Variants in CDH13 observed in about 807,000 individuals in gnomAD.
The protein encoded by CDH13 is cadherin-13.
CDH13 carries 24 observed loss-of-function variants against 63.8 expected under a neutral mutation model. The observed-to-expected ratio is 0.38, with a 90% CI of 0.27 to 0.53. The LOEUF (loss-of-function observed/expected upper bound fraction) is 0.53. Among genes scored for constraint, CDH13 ranks in the 20% least tolerant of loss-of-function variants. CDH13 has a pLI of 0.85. For missense variants in CDH13, 1,049 were observed against 903.1 expected (o/e 1.16, Z -2.07); for synonymous variants, 503 against 355.3 (o/e 1.42, Z -4.67).
chr16:83,581,646 C>T (rs1034945129), intron 7 of CDH13, among the ~76,000 whole-genome samples: 4 of 152,074 alleles, frequency 2.6e-5, no homozygotes, highest in Admixed American at 1.3e-4. Context: ...GGTGAAATCC[C>T]GTCTCTACAA....
At chr16:83,597,210 A>G (rs1315814516) in intron 7 of CDH13, among the ~76,000 whole-genome samples, 1 of 135,078 alleles carries the variant, frequency 7.4e-6, no homozygotes, top group Non-Finnish European at 1.5e-5. Context: ...GTGACAGAGC[A>G]AGACCCTGAC....
At chr16:83,216,002 A>C (rs2039494382) in intron 4 of CDH13, among the ~76,000 whole-genome samples, 2 of 140,628 alleles carry the variant, frequency 1.4e-5, no homozygotes, top group African/African-American at 2.6e-5. Flanking sequence ...CCATACTTTG[A>C]CCCCAACTGC....
At chr16:83,413,358 A>G (rs2092154869) in intron 6 of CDH13, among the ~76,000 whole-genome samples, 1 of 152,216 alleles carries the variant, frequency 6.6e-6, no homozygotes, top group Non-Finnish European at 1.5e-5. Context: ...CTCAGGCTGT[A>G]ATAAAAACAG....
At chr16:83,064,338 C>G (rs1403372356) in intron 3 of CDH13, among the ~76,000 whole-genome samples, 1 of 147,078 alleles carries the variant, frequency 6.8e-6, no homozygotes, top group South Asian at 2.2e-4. Context: ...CATTGCACTC[C>G]AGCCTGGGTG....
intron 6 of CDH13, among the ~76,000 whole-genome samples, chr16:83,438,484 T>C (rs2072385376): frequency 6.6e-6 from 1 of 152,252 alleles, no homozygotes; most frequent in Admixed American, 6.5e-5. Context: ...TGTCTCTTCA[T>C]AACATTCTAA....
At chr16:83,344,215 C>G (rs943683005) in intron 5 of CDH13, among the ~76,000 whole-genome samples, 6 of 152,156 alleles carry the variant, frequency 3.9e-5, no homozygotes, top group Non-Finnish European at 7.4e-5. Context: ...TCTTCGTTTC[C>G]AAGACAAACA....
intron 1 of CDH13, among the ~76,000 whole-genome samples, chr16:82,849,266 G>C (rs776264486): frequency 6.6e-6 from 1 of 152,168 alleles, no homozygotes; most frequent in Admixed American, 6.5e-5. Context: ...CACTTTCGGA[G>C]ACCAAAGCAG....
chr16:83,149,671 C>G (rs1428461675), intron 4 of CDH13, among the ~76,000 whole-genome samples: 1 of 152,122 alleles, frequency 6.6e-6, no homozygotes, highest in African/African-American at 2.4e-5. Flanking sequence ...TTTCTAAAAG[C>G]CCTATCATCA....
intron 7 of CDH13, among the ~76,000 whole-genome samples, chr16:83,531,040 C>T (rs188041265): frequency 1.1e-4 from 16 of 152,252 alleles, no homozygotes; most frequent in Admixed American, 7.2e-4. Context: ...GGGATAGTTA[C>T]GAGCATTAAA....
At chr16:82,871,902 C>T (rs1011785470) in intron 2 of CDH13, among the ~76,000 whole-genome samples, 1 of 152,174 alleles carries the variant, frequency 6.6e-6, no homozygotes, top group Non-Finnish European at 1.5e-5. Flanking sequence ...AGAGCCAGAG[C>T]ATCTGTTTTC....
At chr16:82,719,909 G>C (rs1172554954) in intron 1 of CDH13, among the ~76,000 whole-genome samples, 1 of 150,710 alleles carries the variant, frequency 6.6e-6, no homozygotes, top group Admixed American at 6.6e-5. Context: ...TTCATTGCTA[G>C]GTTCTTGAAA....
intron 1 of CDH13, among the ~76,000 whole-genome samples, chr16:82,789,315 A>T (rs2036174095): frequency 6.6e-6 from 1 of 152,198 alleles, no homozygotes; most frequent in South Asian, 2.1e-4. Context: ...GGAGTTAAAA[A>T]CAGTGATTGT....
rs149482996 is a variant in CDH13 at position 83,159,895 on chromosome 16, C to T, written c.483+34394C>T. Among the ~76,000 whole-genome samples, 538 of 151,866 alleles carry T rather than the reference C, an allele frequency of 3.5e-3. 4 individuals are homozygous for T. The highest frequency in any genetic ancestry group is 0.013 in the African/African-American group (518 of 41,428). The stretch of plus-strand genomic sequence containing the variant: ...TTCAAGACCAGCCTGGCCAACATGG[C>T]GAAAACCCGTATCTACTAAAAATAC... On this transcript the variant is annotated intron_variant, in intron 4 of 13. Transcript: ENST00000567109.
intron 4 of CDH13, among the ~76,000 whole-genome samples, chr16:83,136,149 C>G (rs1468437083): frequency 6.6e-6 from 1 of 150,788 alleles, no homozygotes; most frequent in East Asian, 2.0e-4. Flanking sequence ...CAAACACCAC[C>G]TGTACCCCAA....
At chr16:83,667,124 GAT>G (rs1914055279) in intron 8 of CDH13, among the ~76,000 whole-genome samples, 1 of 151,278 alleles carries the variant, frequency 6.6e-6, no homozygotes, top group Non-Finnish European at 1.5e-5. Context: ...TGGATGGATG[GAT>G]GGATAAATAG....
chr16:83,781,427 T>C (rs534058069), intron 12 of CDH13, among the ~76,000 whole-genome samples: 21 of 152,376 alleles, frequency 1.4e-4, no homozygotes, highest in South Asian at 4.1e-4. Flanking sequence ...GTAGAACTTT[T>C]GAGGGAGACA....
chr16:82,818,114 T>TTGTG (rs5818411), intron 1 of CDH13, among the ~76,000 whole-genome samples: 12,908 of 149,326 alleles, frequency 0.086, 619 homozygotes, highest in Middle Eastern at 0.14. Flanking sequence ...ACATGTATGG[T>TTGTG]TGTGTGTGTG....
intron 1 of CDH13, among the ~76,000 whole-genome samples, chr16:82,711,461 A>G (rs1462512310): frequency 1.3e-5 from 2 of 152,202 alleles, no homozygotes; most frequent in African/African-American, 4.8e-5. Context: ...CCCTTCAAGC[A>G]TACTTCATCC....
chr16:83,598,147 C>G (rs947577202), intron 7 of CDH13, among the ~76,000 whole-genome samples: 5 of 152,262 alleles, frequency 3.3e-5, no homozygotes, highest in Non-Finnish European at 7.4e-5. Flanking sequence ...GGGCAAATTG[C>G]TTGAGCTAAG....
Sources: gnomAD v4.1 joint callset for allele counts (sites outside exome capture counted in the v4.1 genomes callset) on GRCh38, gnomAD v4.1.1 for gene constraint, MANE v1.5 for transcripts, NCBI Gene and HGNC (gene_info 2026-07-23, HGNC 2026-07-21) for gene names.